The following PNLIPRP3 variants were observed in gnomAD, a reference collection of about 807,000 sequenced individuals.
The protein encoded by PNLIPRP3 is pancreatic lipase-related protein 3.
Under a neutral mutation model 52.8 loss-of-function variants are expected in PNLIPRP3, and 58 were observed. That is an observed-to-expected ratio of 1.10 (90% confidence interval 0.89 to 1.37). The LOEUF is 1.37. Ranked by LOEUF, PNLIPRP3 falls within the 40% of genes most tolerant of loss-of-function variation. PNLIPRP3 has a pLI of 0.00. For missense variants in PNLIPRP3, 593 were observed against 561.6 expected (o/e 1.06, Z -0.57); for synonymous variants, 192 against 185.0 (o/e 1.04, Z -0.31).
chr10:116,462,666 T>C (rs1239052709), intron 7 of PNLIPRP3, among the ~76,000 whole-genome samples: 3 of 152,136 alleles, frequency 2.0e-5, no homozygotes, highest in African/African-American at 7.2e-5. Context: ...GCAAAATTCA[T>C]ACAAAAGAGG....
At chr10:116,467,597 C>G (rs1284283318) in intron 8 of PNLIPRP3, among the ~76,000 whole-genome samples, 1 of 152,086 alleles carries the variant, frequency 6.6e-6, no homozygotes, top group South Asian at 2.1e-4. Flanking sequence ...AGCAAACGAC[C>G]TTATATTCCC....
At chr10:116,456,683 A>G (rs779591012) in intron 5 of PNLIPRP3, among the ~76,000 whole-genome samples, 3 of 152,254 alleles carry the variant, frequency 2.0e-5, no homozygotes, top group South Asian at 2.1e-4. Flanking sequence ...TCTCCTCCCC[A>G]CATTCTGTTT....
Position 116,471,824 on chromosome 10 carries a change from G to T in PNLIPRP3, c.1117G>T (p.Val373Phe). The change falls in exon 10 of 12, where the codon GTC becomes TTC. Residue 373 changes from valine (V) to phenylalanine (F), a missense_variant. By Grantham distance (50) the Val-to-Phe change is conservative (BLOSUM62 -1). Transcript: ENST00000369230. ...TGGAAGCGAAGTCACTCAAGGAACT[G>T]TCTTTCTTCGTGTAGGCGGGGCAGT... is the stretch of plus-strand genomic sequence containing the variant. The part of the protein sequence containing the change: ...LSGSEVTQGT[V>F]FLRVGGAVRK... 6.2e-7 allele frequency: 1 copy of T among 1,611,952 alleles called. No homozygotes were observed. Among genetic ancestry groups the T allele is most frequent in the Non-Finnish European group, 8.5e-7 (1 of 1,178,666 alleles).
intron 4 of PNLIPRP3, among the ~76,000 whole-genome samples, chr10:116,450,072 C>A (rs775146339): frequency 1.3e-5 from 2 of 152,024 alleles, no homozygotes; most frequent in Non-Finnish European, 2.9e-5. Flanking sequence ...ACACAACATA[C>A]CAAAACCTAT....
chr10:116,470,062 G>C (rs1214523610), intron 9 of PNLIPRP3, among the ~76,000 whole-genome samples: 1 of 152,032 alleles, frequency 6.6e-6, no homozygotes, highest in Non-Finnish European at 1.5e-5. Flanking sequence ...TAAAAATGCA[G>C]AAAAGCAAGG....
intron 4 of PNLIPRP3, among the ~76,000 whole-genome samples, chr10:116,447,329 G>A (rs1242014737): frequency 6.6e-6 from 1 of 152,184 alleles, no homozygotes; most frequent in African/African-American, 2.4e-5. Flanking sequence ...GCTGATTGGT[G>A]AGAGTCTTCT....
intron 1 of PNLIPRP3, among the ~76,000 whole-genome samples, chr10:116,431,904 G>A (rs187419314): frequency 1.1e-4 from 17 of 151,908 alleles, no homozygotes; most frequent in South Asian, 4.2e-4. Context: ...ATCTGCATGC[G>A]GTTTGCTCCT....
intron 9 of PNLIPRP3, among the ~76,000 whole-genome samples, chr10:116,470,514 A>AATT (rs1554854417): frequency 5.6e-5 from 8 of 142,486 alleles, no homozygotes; most frequent in African/African-American, 1.8e-4. Context: ...TATATATATA[A>AATT]TTTTTTTTTT....
Position 116,469,728 on chromosome 10 carries a change from G to A in PNLIPRP3, c.1060+411G>A, listed in dbSNP as rs531934110. ...AGGCCCTGCCAGGATTGTAGAGACT[G>A]GGAGGACAGTGATAGCAGATGAAGT... On this transcript the variant is annotated intron_variant, in intron 9 of 11. Coordinates refer to ENST00000369230, the MANE Select transcript of PNLIPRP3 (RefSeq NM_001011709.3). 5.9e-5 allele frequency among the ~76,000 whole-genome samples: 9 copies of A among 152,262 alleles called. No homozygotes were observed. In the East Asian group the frequency reaches 9.7e-4, roughly 16 times the overall value.
chr10:116,474,775 G>A (rs1564706805), intron 10 of PNLIPRP3, among the ~76,000 whole-genome samples: 1 of 152,134 alleles, frequency 6.6e-6, no homozygotes, highest in Admixed American at 6.5e-5. Context: ...AGTCAGAATG[G>A]CTATTATTAA....
At chr10:116,455,267 AG>A (rs1456621065) in intron 4 of PNLIPRP3, among the ~76,000 whole-genome samples, 3 of 152,234 alleles carry the variant, frequency 2.0e-5, no homozygotes, top group Non-Finnish European at 4.4e-5. Flanking sequence ...TATTCTTAAA[AG>A]CTCCTGTTTT....
At chr10:116,444,289 T>C (rs541080579) in intron 3 of PNLIPRP3, 93 bp from the exon 4 acceptor site, 1 of 1,090,412 alleles carries the variant, frequency 9.2e-7, no homozygotes, top group Non-Finnish European at 1.3e-6. Flanking sequence ...ATCAACCTAC[T>C]AGTATAATTT....
Position 116,468,666 on chromosome 10 carries a change from T to C in PNLIPRP3, c.928-519T>C, listed in dbSNP as rs541143780. Among the ~76,000 whole-genome samples the C allele has an allele frequency of 1.4e-3, 207 of 152,302 alleles. 1 individual carries two copies. The highest frequency in any genetic ancestry group is 2.2e-3 in the Non-Finnish European group (151 of 68,018). On this transcript the variant is annotated intron_variant, in intron 8 of 11. Transcript: ENST00000369230. ...GTCTCCCAGCTCAAGGACTGTTCTT[T>C]TGTGTGCAGAGCAAATTTTTAAAAA...
rs1846474448 is a variant in PNLIPRP3 at position 116,476,732 on chromosome 10, T to G, written c.1253T>G (p.Phe418Cys). ...GTTGGAAACATTACAAGTGTTCAGTTCATCTGGAAAAAACATTTGTTTGAA... is the reference window on the plus strand; with the variant it reads ...GTTGGAAACATTACAAGTGTTCAGTGCATCTGGAAAAAACATTTGTTTGAA... ...VNVGNITSVQ[F>C]IWKKHLFEDS... Residue 418 changes from phenylalanine to cysteine, a missense_variant, in exon 11 of 12, where the codon TTC (phenylalanine) becomes TGC (cysteine). Coordinates refer to ENST00000369230, the MANE Select transcript of PNLIPRP3 (RefSeq NM_001011709.3). 1.2e-6 allele frequency: 2 copies of G among 1,609,896 alleles called. No individual in the cohort carries two copies. Among genetic ancestry groups the G allele is most frequent in the Non-Finnish European group, 1.7e-6 (2 of 1,177,732 alleles).
At chr10:116,429,835 G>C (rs1845684981) in intron 1 of PNLIPRP3, among the ~76,000 whole-genome samples, 1 of 152,146 alleles carries the variant, frequency 6.6e-6, no homozygotes, top group South Asian at 2.1e-4. Flanking sequence ...GAACTACTGA[G>C]TCCTAGGACA....
At position 116,444,527 on chromosome 10, in the gene PNLIPRP3, ATT is replaced by A. The variant is rs5788162; in HGVS notation, c.456+22_456+23del. 1 of 1,596,682 alleles carries A rather than the reference ATT, an allele frequency of 6.3e-7. No individual in the cohort carries two copies. The highest frequency in any genetic ancestry group is 8.5e-7 in the Non-Finnish European group (1 of 1,171,410). On this transcript the variant is annotated intron_variant, in intron 4 of 11. Transcript: ENST00000369230. ...GATGTTCTCATGGTAAGAAGAGTTG[ATT>A]TTTTTTTAATTATATTGAATTGGTT...
chr10:116,438,128 G>A (rs1367763), intron 2 of PNLIPRP3, among the ~76,000 whole-genome samples: 149,996 of 152,268 alleles, frequency 0.99, 73,921 homozygotes, highest in East Asian at 1. Context: ...TGGATAGGTG[G>A]GGCTTGAGCA....
chr10:116,472,163 A>G (rs1846384398), intron 10 of PNLIPRP3, among the ~76,000 whole-genome samples: 1 of 152,224 alleles, frequency 6.6e-6, no homozygotes, highest in East Asian at 1.9e-4. Flanking sequence ...ACGGTATTCA[A>G]GATATATTTT....
intron 4 of PNLIPRP3, among the ~76,000 whole-genome samples, chr10:116,451,567 T>C (rs1846038153): frequency 6.6e-6 from 1 of 152,170 alleles, no homozygotes. Flanking sequence ...ATCCTCTTGA[T>C]GATGAGTGAG....
Sources: gnomAD v4.1 joint callset for allele counts (sites outside exome capture counted in the v4.1 genomes callset) on GRCh38, gnomAD v4.1.1 for gene constraint, MANE v1.5 for transcripts, NCBI Gene and HGNC (gene_info 2026-07-23, HGNC 2026-07-21) for gene names.